The following PRKCA variants were observed in gnomAD, a reference collection of about 807,000 sequenced individuals.
PRKCA encodes the protein protein kinase C alpha type.
A neutral mutation model predicts 87.0 loss-of-function variants in PRKCA; 27 were observed. That is an observed-to-expected ratio of 0.31 (90% CI 0.23 to 0.43). The LOEUF (loss-of-function observed/expected upper bound fraction) is 0.43. Ranked by LOEUF, PRKCA falls within the 20% of genes least tolerant of loss-of-function variation. The probability of loss-of-function intolerance (pLI) is 1.00; values close to 1 mark genes in which losing one functional copy is unlikely to be tolerated. For missense variants in PRKCA, 518 were observed against 852.3 expected, an observed-to-expected ratio of 0.61 and a Z score of 4.88; for synonymous variants, 329 against 311.1, an observed-to-expected ratio of 1.06 and a Z score of -0.61.
rs1269029977 is a variant in PRKCA at position 66,360,984 on chromosome 17, T to C, written c.205+54857T>C. On this transcript the variant is annotated intron_variant, in intron 2 of 16. Transcript: ENST00000413366. ...TTTTCTTTTTGTTTGGGGTAGGTGA[T>C]TAAAAATAGAAAAGTGGGGAAAGAG... Among the ~76,000 whole-genome samples, 5 of 152,196 alleles carry C rather than the reference T, an allele frequency of 3.3e-5. No homozygotes were observed. In the South Asian group the frequency reaches 6.2e-4, roughly 19 times the overall value.
Position 66,368,278 on chromosome 17 carries a change from C to G in PRKCA, c.205+62151C>G, listed in dbSNP as rs562800827. Reference sequence around the variant, plus strand: ...TTTGGTCTGGAGCAAATCCCTTAGCCTATATATATACACACATATATGTGT... The same window carrying G: ...TTTGGTCTGGAGCAAATCCCTTAGCGTATATATATACACACATATATGTGT... On this transcript the variant is annotated intron_variant, in intron 2 of 16. Coordinates refer to ENST00000413366, the MANE Select transcript of PRKCA (RefSeq NM_002737.3). Among the ~76,000 whole-genome samples the G allele has an allele frequency of 2.7e-5, 4 of 146,572 alleles. No individual in the cohort carries two copies. The East Asian group carries it at 8.0e-4, about 29-fold the overall frequency.
At chr17:66,717,887 C>T (rs1039437051) in intron 8 of PRKCA, among the ~76,000 whole-genome samples, 2 of 152,204 alleles carry the variant, frequency 1.3e-5, no homozygotes, top group Non-Finnish European at 2.9e-5. Flanking sequence ...TTGCTGGTCA[C>T]CTGTGATTCC....
intron 3 of PRKCA, among the ~76,000 whole-genome samples, chr17:66,542,419 A>C (rs537823095): frequency 3.5e-4 from 54 of 152,266 alleles, no homozygotes; most frequent in African/African-American, 1.3e-3. Flanking sequence ...GAAGTCGCAC[A>C]TGAGAGTACC....
At chr17:66,707,397 C>G (rs1268444639) in intron 8 of PRKCA, among the ~76,000 whole-genome samples, 1 of 152,164 alleles carries the variant, frequency 6.6e-6, no homozygotes, top group African/African-American at 2.4e-5. Flanking sequence ...CCACCCTTCA[C>G]CTGCACTTTT....
At chr17:66,329,896 A>G (rs752122343) in intron 2 of PRKCA, among the ~76,000 whole-genome samples, 13 of 152,088 alleles carry the variant, frequency 8.5e-5, no homozygotes, top group Non-Finnish European at 1.8e-4. Flanking sequence ...ATCTTTTTTC[A>G]ACCAGCCGGG....
intron 2 of PRKCA, chr17:66,415,261 C>T (rs745595294): frequency 2.6e-5 from 4 of 152,124 alleles, no homozygotes; most frequent in East Asian, 1.9e-4. Context: ...AATTTTGATA[C>T]GATGTCCATT....
chr17:66,694,576 C>T (rs1277360174), intron 8 of PRKCA, among the ~76,000 whole-genome samples: 2 of 146,350 alleles, frequency 1.4e-5, no homozygotes, highest in African/African-American at 5.0e-5. Flanking sequence ...GCTAATAATT[C>T]ATTAGAGAAG....
intron 2 of PRKCA, among the ~76,000 whole-genome samples, chr17:66,312,521 G>A (rs1461845339): frequency 1.3e-5 from 2 of 152,102 alleles, no homozygotes; most frequent in South Asian, 2.1e-4. Context: ...TCTCCTGCCT[G>A]ACCTCTTCAG....
chr17:66,609,556 T>C (rs1298038698), intron 3 of PRKCA, among the ~76,000 whole-genome samples: 1 of 152,176 alleles, frequency 6.6e-6, no homozygotes, highest in African/African-American at 2.4e-5. Context: ...AAGTTGCCTG[T>C]CATGTAAATA....
intron 2 of PRKCA, among the ~76,000 whole-genome samples, chr17:66,493,327 A>G (rs367910990): frequency 1.1e-4 from 10 of 94,588 alleles, no homozygotes; most frequent in South Asian, 2.9e-4. Flanking sequence ...GTGTGTGTGT[A>G]TGTCTATTTT....
At chr17:66,627,851 T>C (rs940890858) in intron 3 of PRKCA, among the ~76,000 whole-genome samples, 4 of 152,184 alleles carry the variant, frequency 2.6e-5, no homozygotes, top group Non-Finnish European at 5.9e-5. Context: ...AATTCCTGGT[T>C]TTAGAAAAGG....
intron 3 of PRKCA, among the ~76,000 whole-genome samples, chr17:66,534,867 G>C (rs923467104): frequency 5.9e-5 from 9 of 152,180 alleles, no homozygotes; most frequent in Admixed American, 5.9e-4. Context: ...AGGCTGTCTA[G>C]TGTCATATGC....
chr17:66,554,612 T>C (rs1968440562), intron 3 of PRKCA: 3 of 837,344 alleles, frequency 3.6e-6, no homozygotes, highest in Non-Finnish European at 4.3e-6. Flanking sequence ...TTTAAAGGAC[T>C]TTTTTTTGGT....
chr17:66,517,139 C>G (rs1252224909), intron 3 of PRKCA, among the ~76,000 whole-genome samples: 1 of 152,096 alleles, frequency 6.6e-6, no homozygotes, highest in African/African-American at 2.4e-5. Flanking sequence ...CAAAAATTAG[C>G]TGGGCGTGGT....
chr17:66,520,247 A>G (rs1202204855), intron 3 of PRKCA, among the ~76,000 whole-genome samples: 3 of 151,656 alleles, frequency 2.0e-5, no homozygotes. Flanking sequence ...CAGTCTTCCA[A>G]GTAGCTGGGA....
rs374507410 is a variant in PRKCA at position 66,637,175 on chromosome 17, C to T, written c.289-4180C>T. Among the ~76,000 whole-genome samples, 20 of 152,234 alleles carry T rather than the reference C, an allele frequency of 1.3e-4. No homozygotes were observed. In the East Asian group the frequency reaches 2.9e-3, roughly 22 times the overall value. On this transcript the variant is annotated intron_variant, in intron 3 of 16. Coordinates refer to ENST00000413366, the MANE Select transcript of PRKCA (RefSeq NM_002737.3). ...TAGGTTTTCCTGAAAAGTGAGTTGCCTGTGTGCCACATCAATGGAGATCTA... is the reference window on the plus strand; with the variant it reads ...TAGGTTTTCCTGAAAAGTGAGTTGCTTGTGTGCCACATCAATGGAGATCTA...
At chr17:66,540,764 T>C (rs1215522221) in intron 3 of PRKCA, among the ~76,000 whole-genome samples, 1 of 152,224 alleles carries the variant, frequency 6.6e-6, no homozygotes, top group Non-Finnish European at 1.5e-5. Context: ...TTTCTCTGTC[T>C]ATCAAAAGAT....
At chr17:66,571,201 A>C (rs1213191949) in intron 3 of PRKCA, among the ~76,000 whole-genome samples, 1 of 152,222 alleles carries the variant, frequency 6.6e-6, no homozygotes, top group African/African-American at 2.4e-5. Context: ...CCTAACATGT[A>C]GTGTTTTCCC....
intron 3 of PRKCA, among the ~76,000 whole-genome samples, chr17:66,580,127 T>G (rs938780841): frequency 5.3e-5 from 8 of 152,218 alleles, no homozygotes; most frequent in African/African-American, 1.9e-4. Context: ...CATTGGGTAA[T>G]TTAACTTTTC....
Sources: allele counts gnomAD v4.1 joint callset (sites outside exome capture counted in the v4.1 genomes callset), GRCh38; gene constraint gnomAD v4.1.1; transcripts MANE v1.5; gene names NCBI Gene and HGNC (gene_info 2026-07-23, HGNC 2026-07-21).